The following ATF6 variants were observed in gnomAD, a reference collection of about 807,000 sequenced individuals.
ATF6 encodes activating transcription factor 6, also known as cyclic AMP-dependent transcription factor ATF-6 alpha.
Under a neutral mutation model 83.6 loss-of-function variants are expected in ATF6, and 53 were observed. The ratio of observed to expected loss-of-function variants is 0.63; its 90% confidence interval spans 0.51 to 0.80. The LOEUF is 0.80. Ranked by LOEUF, ATF6 falls within the 30% of genes least tolerant of loss-of-function variation. The pLI is 0.00. For synonymous variants in ATF6, 288 were observed against 285.8 expected (o/e 1.01, Z -0.08); for missense variants, 744 against 797.9 (o/e 0.93, Z 0.81).
chr1:161,766,546 G>T, intron 1 of ATF6, 104 bp downstream of exon 1: 1 of 1,018,728 alleles, frequency 9.8e-7, no homozygotes, highest in African/African-American at 1.6e-5. Flanking sequence ...GACCAACCCT[G>T]CCTGGGGAGT....
intron 15 of ATF6, among the ~76,000 whole-genome samples, chr1:161,924,643 C>A (rs1384618617): frequency 1.3e-5 from 2 of 152,100 alleles, no homozygotes; most frequent in East Asian, 3.9e-4. Flanking sequence ...CAAATGTAAC[C>A]TGCACAATAG....
At chr1:161,882,588 GT>G (rs892579472) in intron 14 of ATF6, among the ~76,000 whole-genome samples, 46 of 152,068 alleles carry the variant, frequency 3.0e-4, no homozygotes, top group African/African-American at 1.1e-3. Context: ...CACAGGAATA[GT>G]TTATGCTGTA....
rs1689147226 is a variant in ATF6 at position 161,963,575 on chromosome 1, T to A, written c.*4921T>A. 2 of 152,238 alleles carry A rather than the reference T, an allele frequency of 1.3e-5. No individual in the cohort carries two copies. The highest frequency in any genetic ancestry group is 4.1e-4 in the South Asian group (2 of 4,828). The allele number at this position is 152,238 out of a possible 1,614,324, so 9.4% of individuals were successfully genotyped here. On this transcript the variant is annotated 3_prime_UTR_variant, in exon 16 of 16. Transcript: ENST00000367942. Reference sequence around the variant, plus strand: ...ATGAAGTTGAATAAACCAGGAGGCTTGGCATATCCCCTTTATGTTAATCCC... The same window carrying A: ...ATGAAGTTGAATAAACCAGGAGGCTAGGCATATCCCCTTTATGTTAATCCC...
At position 161,961,152 on chromosome 1, in the gene ATF6, A is replaced by G. The variant is rs1689091840; in HGVS notation, c.*2498A>G. On this transcript the variant is annotated 3_prime_UTR_variant, in exon 16 of 16. Coordinates refer to ENST00000367942, the MANE Select transcript of ATF6 (RefSeq NM_007348.4). ...TCAGATGCAAGACTTTGGTTATGTCATACTCACCAACGTTAGTCCCTCTCT... is the reference window on the plus strand; with the variant it reads ...TCAGATGCAAGACTTTGGTTATGTCGTACTCACCAACGTTAGTCCCTCTCT... 1 of 152,196 alleles carries G rather than the reference A, an allele frequency of 6.6e-6. No individual in the cohort carries two copies. Among genetic ancestry groups the G allele is most frequent in the Non-Finnish European group, 1.5e-5 (1 of 68,046 alleles). The allele number at this position is 152,196 out of a possible 1,614,324, so 9.4% of individuals were successfully genotyped here. A position where few individuals can be genotyped will look rare whatever the true frequency, so the allele number is the denominator to read the frequency against.
chr1:161,839,755 G>T (rs1418501954), intron 9 of ATF6, among the ~76,000 whole-genome samples: 2 of 152,190 alleles, frequency 1.3e-5, no homozygotes, highest in Admixed American at 6.5e-5. Flanking sequence ...TAGCCATATG[G>T]ATATCTGAGG....
chr1:161,912,200 C>G, intron 14 of ATF6, 96 bp from the exon 15 acceptor site: 1 of 650,872 alleles, frequency 1.5e-6, no homozygotes, highest in Non-Finnish European at 2.5e-6. Context: ...TTTCATCATC[C>G]CAACGAAATA....
intron 10 of ATF6, among the ~76,000 whole-genome samples, chr1:161,847,238 G>C (rs1270279872): frequency 1.3e-5 from 2 of 152,162 alleles, no homozygotes. Flanking sequence ...CCAGGTCCTT[G>C]ACTAACAAGG....
intron 15 of ATF6, among the ~76,000 whole-genome samples, chr1:161,932,606 T>C (rs1027711565): frequency 6.6e-6 from 1 of 152,258 alleles, no homozygotes; most frequent in Non-Finnish European, 1.5e-5. Flanking sequence ...TAAAATGTTA[T>C]ATTAGCTCAA....
chr1:161,848,946 T>C (rs1686547604), intron 10 of ATF6, among the ~76,000 whole-genome samples: 1 of 152,072 alleles, frequency 6.6e-6, no homozygotes, highest in South Asian at 2.1e-4. Context: ...TTTTTTTTTT[T>C]TCCAAAGAAT....
At chr1:161,863,514 G>C (rs547119664) in intron 14 of ATF6, among the ~76,000 whole-genome samples, 1 of 152,264 alleles carries the variant, frequency 6.6e-6, no homozygotes, top group East Asian at 1.9e-4. Context: ...CATGGAATTG[G>C]TGTCAGACTA....
intron 4 of ATF6, among the ~76,000 whole-genome samples, chr1:161,786,330 T>G (rs1286460044): frequency 1.3e-5 from 2 of 152,188 alleles, no homozygotes; most frequent in Admixed American, 1.3e-4. Context: ...CTCTTTAATA[T>G]TTTAGGTGCT....
chr1:161,958,322 C>A, intron 15 of ATF6, 124 bp from the exon 16 acceptor site: 1 of 897,118 alleles, frequency 1.1e-6, no homozygotes. Flanking sequence ...CCCTCTGCAC[C>A]CCTTGAAAGT....
At chr1:161,781,829 T>G in intron 2 of ATF6, 83 bp from the exon 3 acceptor site, 1 of 881,068 alleles carries the variant, frequency 1.1e-6, no homozygotes, top group Non-Finnish European at 1.7e-6. Flanking sequence ...AAATTATTTG[T>G]GCCAAATTGT....
At chr1:161,778,159 A>T (rs1290991460) in intron 1 of ATF6, 85 bp from the exon 2 acceptor site, 12 of 1,041,212 alleles carry the variant, frequency 1.2e-5, no homozygotes, top group Non-Finnish European at 1.6e-5. Flanking sequence ...AAACCTTAAT[A>T]GAGGTGACAT....
chr1:161,858,603 A>G (rs897915149), intron 12 of ATF6, among the ~76,000 whole-genome samples: 3 of 152,214 alleles, frequency 2.0e-5, no homozygotes, highest in Non-Finnish European at 2.9e-5. Flanking sequence ...GCCCCTAATA[A>G]CAAAGCTTCA....
chr1:161,808,279 C>G (rs549354859), intron 7 of ATF6, among the ~76,000 whole-genome samples: 1 of 152,096 alleles, frequency 6.6e-6, no homozygotes, highest in East Asian at 1.9e-4. Flanking sequence ...CTCTAATTTC[C>G]CTTCTCAAAA....
At chr1:161,851,008 C>A (rs866968125) in intron 10 of ATF6, among the ~76,000 whole-genome samples, 1 of 152,122 alleles carries the variant, frequency 6.6e-6, no homozygotes, top group African/African-American at 2.4e-5. Flanking sequence ...AATGGAGTAA[C>A]TAGTTAATGT....
intron 15 of ATF6, among the ~76,000 whole-genome samples, chr1:161,949,125 C>T (rs554521719): frequency 1.1e-4 from 17 of 152,310 alleles, no homozygotes; most frequent in African/African-American, 4.1e-4. Context: ...CTAATTCTTG[C>T]TTAGCTCAGT....
At chr1:161,945,738 T>C (rs1022256361) in intron 15 of ATF6, among the ~76,000 whole-genome samples, 8 of 152,202 alleles carry the variant, frequency 5.3e-5, no homozygotes, top group Non-Finnish European at 7.4e-5. Context: ...TCCATATGTA[T>C]TTTACCTACC....
Sources: allele counts gnomAD v4.1 joint callset (sites outside exome capture counted in the v4.1 genomes callset), GRCh38; gene constraint gnomAD v4.1.1; transcripts MANE v1.5; gene names NCBI Gene and HGNC (gene_info 2026-07-23, HGNC 2026-07-21).